The following NRCAM variants were observed in gnomAD, a reference collection of about 807,000 sequenced individuals.
NRCAM encodes the protein NgCAM-related cell adhesion molecule.
In NRCAM, 83 loss-of-function variants were observed where a neutral mutation model predicts 156.5. The observed-to-expected ratio is 0.53, with a 90% CI of 0.44 to 0.64. The LOEUF is 0.64. Among genes scored for constraint, NRCAM ranks in the 30% least tolerant of loss-of-function variants. NRCAM has a pLI of 0.00. For missense variants in NRCAM, 1,417 were observed against 1,597.3 expected, an observed-to-expected ratio of 0.89 and a Z score of 1.92; for synonymous variants, 538 against 563.9, an observed-to-expected ratio of 0.95 and a Z score of 0.65.
At chr7:108,323,942 G>A (rs557893432) in intron 2 of NRCAM, among the ~76,000 whole-genome samples, 2 of 152,210 alleles carry the variant, frequency 1.3e-5, no homozygotes, top group South Asian at 2.1e-4. Flanking sequence ...CAAATCCAAA[G>A]GCCCTGAGGT....
At chr7:108,189,473 A>T (rs935626634) in intron 20 of NRCAM, among the ~76,000 whole-genome samples, 172 bp downstream of exon 20, 1 of 152,248 alleles carries the variant, frequency 6.6e-6, no homozygotes, top group Admixed American at 6.5e-5. Flanking sequence ...TGTAACCAGG[A>T]ATAGTTTCAG....
intron 28 of NRCAM, among the ~76,000 whole-genome samples, chr7:108,169,559 T>C (rs183829396): frequency 2.0e-5 from 3 of 152,334 alleles, no homozygotes; most frequent in Admixed American, 2.0e-4. Flanking sequence ...AGCAGTTAAA[T>C]AATGCTTTTG....
intron 3 of NRCAM, among the ~76,000 whole-genome samples, chr7:108,307,846 C>T (rs1192988393): frequency 6.6e-6 from 1 of 152,106 alleles, no homozygotes; most frequent in Admixed American, 6.6e-5. Flanking sequence ...CGACTCCCTC[C>T]AAAAGCAGCC....
chr7:108,198,470 C>T (rs1004292240), intron 13 of NRCAM, among the ~76,000 whole-genome samples: 1 of 151,406 alleles, frequency 6.6e-6, no homozygotes, highest in Non-Finnish European at 1.5e-5. Context: ...ATACATGTGC[C>T]ATGTTGAACA....
chr7:108,178,139 C>G, intron 25 of NRCAM, 27 bp from the exon 26 acceptor site: 1 of 1,604,116 alleles, frequency 6.2e-7, no homozygotes, highest in Non-Finnish European at 8.5e-7. Flanking sequence ...ACAGTCAACA[C>G]AAAGATTTCT....
Position 108,299,105 on chromosome 7 carries a change from C to CAAAAAAA in NRCAM, c.-107+13553_-107+13559dup, listed in dbSNP as rs1292917918. On this transcript the variant is annotated intron_variant, in intron 3 of 32. Coordinates refer to ENST00000379028, the MANE Select transcript of NRCAM (RefSeq NM_001037132.4). ...TGGGCCACAGAGCAAGACTCCATCT[C>CAAAAAAA]AAAAAAAAAAAAGAAAGAAAGAAAG... is the stretch of plus-strand genomic sequence containing the variant. 2.4e-3 allele frequency among the ~76,000 whole-genome samples: 41 copies of CAAAAAAA among 16,938 alleles called. 4 individuals carry two copies. Among genetic ancestry groups the CAAAAAAA allele is most frequent in the East Asian group, 0.012 (2 of 168 alleles). The allele number at this position is 16,938 out of a possible 152,430, so 11.1% of individuals were successfully genotyped here.
chr7:108,368,224 A>ACCCCCCCCCCCCCCCCCCCCCCCCCC (rs67897117), intron 2 of NRCAM, among the ~76,000 whole-genome samples: 13 of 91,090 alleles, frequency 1.4e-4, no homozygotes, highest in Admixed American at 2.6e-4. Context: ...ACACTTTCAT[A>ACCCCCCCCCCCCCCCCCCCCCCCCCC]CCCCCCCCCA....
At position 108,149,618 on chromosome 7, in the gene NRCAM, T is replaced by C. The variant is rs1340059264; in HGVS notation, c.*292A>G. 5 of 397,280 alleles carry C rather than the reference T, an allele frequency of 1.3e-5. No homozygotes were observed. The highest frequency in any genetic ancestry group is 1.8e-5 in the Non-Finnish European group (4 of 223,274). The allele number at this position is 397,280 out of a possible 1,614,324, so 24.6% of individuals were successfully genotyped here. On this transcript the variant is annotated 3_prime_UTR_variant, in exon 33 of 33. Coordinates refer to ENST00000379028, the MANE Select transcript of NRCAM (RefSeq NM_001037132.4). Reference sequence around the variant, plus strand: ...GCATTTTTCATGCATCATATTGAACTGTATCCTGCAGAGGAAATAACAGGA... The same window carrying C: ...GCATTTTTCATGCATCATATTGAACCGTATCCTGCAGAGGAAATAACAGGA...
intron 6 of NRCAM, among the ~76,000 whole-genome samples, chr7:108,233,509 A>G (rs2094560593): frequency 6.6e-6 from 1 of 152,216 alleles, no homozygotes; most frequent in Admixed American, 6.5e-5. Context: ...TGAAGAGGAT[A>G]AATCCTGTTT....
intron 2 of NRCAM, among the ~76,000 whole-genome samples, chr7:108,365,766 AT>A (rs1448661880): frequency 6.6e-6 from 1 of 152,146 alleles, no homozygotes; most frequent in Non-Finnish European, 1.5e-5. Flanking sequence ...TACTTTTCCA[AT>A]TCAGAGGTGA....
chr7:108,230,894 G>C (rs1481960074), intron 8 of NRCAM, 137 bp downstream of exon 8: 1 of 625,220 alleles, frequency 1.6e-6, no homozygotes, highest in Non-Finnish European at 2.7e-6. Flanking sequence ...GAGATGACAT[G>C]TTATTTATTT....
intron 1 of NRCAM, among the ~76,000 whole-genome samples, chr7:108,453,667 T>C (rs1207347447): frequency 1.3e-5 from 2 of 152,216 alleles, no homozygotes; most frequent in Non-Finnish European, 2.9e-5. Context: ...GCAACTTTCC[T>C]GTAATAAAGT....
intron 3 of NRCAM, among the ~76,000 whole-genome samples, chr7:108,300,406 A>G (rs988300484): frequency 1.3e-5 from 2 of 152,154 alleles, no homozygotes; most frequent in South Asian, 4.1e-4. Flanking sequence ...ACCAGATGCT[A>G]TTTTTATAAT....
intron 2 of NRCAM, among the ~76,000 whole-genome samples, chr7:108,341,303 G>C (rs995334157): frequency 6.6e-6 from 1 of 152,180 alleles, no homozygotes; most frequent in Non-Finnish European, 1.5e-5. Context: ...TGACCATTGA[G>C]GGCCAGGAGG....
intron 3 of NRCAM, among the ~76,000 whole-genome samples, chr7:108,299,122 G>GA (rs1196699344): frequency 2.8e-5 from 1 of 35,458 alleles, no homozygotes; most frequent in South Asian, 1.1e-3. Context: ...AAAAAAGAAA[G>GA]AAAGAAAGAA....
chr7:108,258,326 T>A (rs940681619), intron 3 of NRCAM, among the ~76,000 whole-genome samples: 4 of 152,200 alleles, frequency 2.6e-5, no homozygotes, highest in Non-Finnish European at 5.9e-5. Flanking sequence ...CTCCACATTA[T>A]TCCCACTCTC....
At chr7:108,245,675 T>A (rs2095859163) in intron 3 of NRCAM, among the ~76,000 whole-genome samples, 2 of 151,942 alleles carry the variant, frequency 1.3e-5, no homozygotes. Flanking sequence ...CCAGAGAGAG[T>A]TCAGGCATAA....
chr7:108,270,993 T>C (rs1273438822), intron 3 of NRCAM, among the ~76,000 whole-genome samples: 4 of 152,220 alleles, frequency 2.6e-5, no homozygotes, highest in African/African-American at 9.6e-5. Context: ...TACAGAACTA[T>C]ACACTTAAGT....
chr7:108,206,804 C>T (rs148257293), intron 13 of NRCAM, among the ~76,000 whole-genome samples: 220 of 152,252 alleles, frequency 1.4e-3, no homozygotes, highest in African/African-American at 4.6e-3. Context: ...TGAAGCCACA[C>T]GCTGGGAAGC....
Sources: allele counts gnomAD v4.1 joint callset (sites outside exome capture counted in the v4.1 genomes callset), GRCh38; gene constraint gnomAD v4.1.1; transcripts MANE v1.5; gene names NCBI Gene and HGNC (gene_info 2026-07-23, HGNC 2026-07-21).